CLSTN2: variants seen among roughly 807,000 people sequenced by gnomAD.
The protein encoded by CLSTN2 is calsyntenin 2.
CLSTN2 carries 48 observed loss-of-function variants against 101.2 expected under a neutral mutation model. The observed-to-expected ratio is 0.47, with a 90% CI of 0.38 to 0.60. CLSTN2 has a LOEUF of 0.60. Among genes scored for constraint, CLSTN2 ranks in the 20% least tolerant of loss-of-function variants. CLSTN2 has a pLI of 0.00. For missense variants in CLSTN2, 1,160 were observed against 1,238.2 expected, an observed-to-expected ratio of 0.94 and a Z score of 0.95; for synonymous variants, 481 against 463.6, an observed-to-expected ratio of 1.04 and a Z score of -0.48.
At chr3:139,987,932 A>G (rs537101224) in intron 1 of CLSTN2, among the ~76,000 whole-genome samples, 2 of 152,332 alleles carry the variant, frequency 1.3e-5, no homozygotes, top group East Asian at 3.9e-4. Flanking sequence ...ACGAGACAAG[A>G]CAAGTAAAGT....
intron 8 of CLSTN2, among the ~76,000 whole-genome samples, chr3:140,494,157 G>T (rs1934404143): frequency 1.3e-5 from 2 of 152,176 alleles, no homozygotes; most frequent in Admixed American, 1.3e-4. Flanking sequence ...CCAATTGTGT[G>T]ACCCTCTGCT....
intron 1 of CLSTN2, among the ~76,000 whole-genome samples, chr3:140,157,109 G>A (rs1450990904): frequency 6.6e-6 from 1 of 152,104 alleles, no homozygotes; most frequent in East Asian, 1.9e-4. Context: ...TCGCTGCTCA[G>A]AACTATTCAA....
intron 1 of CLSTN2, among the ~76,000 whole-genome samples, chr3:139,971,657 A>T (rs1935707484): frequency 6.6e-6 from 1 of 152,258 alleles, no homozygotes; most frequent in African/African-American, 2.4e-5. Context: ...TTAGCATTTC[A>T]TTCATGAGCA....
chr3:140,127,391 G>A (rs1004219521), intron 1 of CLSTN2, among the ~76,000 whole-genome samples: 2 of 152,114 alleles, frequency 1.3e-5, no homozygotes, highest in African/African-American at 4.8e-5. Flanking sequence ...TAGGCCTAAC[G>A]CAGTACATAA....
chr3:140,470,395 A>G (rs987588667), intron 8 of CLSTN2, among the ~76,000 whole-genome samples: 1 of 152,194 alleles, frequency 6.6e-6, no homozygotes, highest in Non-Finnish European at 1.5e-5. Context: ...AAGCCTGGGA[A>G]GGCCTCTGGG....
intron 6 of CLSTN2, among the ~76,000 whole-genome samples, chr3:140,448,976 G>A (rs189351105): frequency 3.0e-4 from 45 of 152,262 alleles, no homozygotes; most frequent in Non-Finnish European, 5.7e-4. Context: ...TTGGTAAAAC[G>A]GGAATTAAAT....
At chr3:140,561,879 G>C (rs956077745) in intron 12 of CLSTN2, among the ~76,000 whole-genome samples, 1 of 152,182 alleles carries the variant, frequency 6.6e-6, no homozygotes, top group African/African-American at 2.4e-5. Flanking sequence ...CTCAGTGGCA[G>C]AGCTGGTATT....
chr3:140,185,149 G>T (rs896283182), intron 2 of CLSTN2, among the ~76,000 whole-genome samples: 3 of 152,106 alleles, frequency 2.0e-5, no homozygotes, highest in Admixed American at 6.5e-5. Context: ...AAGTCCGGGG[G>T]ACTTGGCAAG....
At chr3:139,993,558 T>C (rs796821757) in intron 1 of CLSTN2, among the ~76,000 whole-genome samples, 3 of 152,294 alleles carry the variant, frequency 2.0e-5, no homozygotes, top group African/African-American at 7.2e-5. Context: ...GTGCACTCTC[T>C]TGAAGGGCCT....
intron 2 of CLSTN2, among the ~76,000 whole-genome samples, chr3:140,338,344 AT>A (rs1559842795): frequency 1.3e-5 from 2 of 152,192 alleles, no homozygotes; most frequent in Non-Finnish European, 2.9e-5. Flanking sequence ...TCTGTCTGTG[AT>A]GCCGTAGCTC....
chr3:140,556,524 C>T lies in CLSTN2; in HGVS notation c.1686C>T (p.Asn562=), dbSNP rs1455345880. 1.9e-6 allele frequency: 3 copies of T among 1,614,072 alleles called. No individual in the cohort carries two copies. Among genetic ancestry groups the T allele is most frequent in the Non-Finnish European group, 2.5e-6 (3 of 1,179,962 alleles). Residue 562 remains asparagine, a synonymous_variant, in exon 11 of 17, where the codon AAC becomes AAT. Coordinates refer to ENST00000458420, the MANE Select transcript of CLSTN2 (RefSeq NM_022131.3). ...CTTTTGTCTTCCAGTATCACTTCAA[C>T]CCCTCGCAGTCCATCCTGGTGATGG... is the stretch of plus-strand genomic sequence containing the variant. The part of the protein sequence containing the change: ...SLGQGIKYHF[N]PSQSILVMEG...
chr3:140,563,429 A>T (rs942577039), intron 15 of CLSTN2, among the ~76,000 whole-genome samples: 3 of 152,236 alleles, frequency 2.0e-5, no homozygotes, highest in Non-Finnish European at 2.9e-5. Context: ...AGAGGTCAGT[A>T]CAAAGGGCTG....
rs1232308455 is a variant in CLSTN2, at chr3:140,152,295, G to A, written c.110-23656G>A. ...ATGATTCTTTCTCAGATGGACCAGT[G>A]ACTTTTTCTCTCCTTTCTCGTTTCC... On this transcript the variant is annotated intron_variant, in intron 1 of 16. Transcript: ENST00000458420. Among the ~76,000 whole-genome samples, 2 of 151,740 alleles carry A rather than the reference G, an allele frequency of 1.3e-5. 1 individual carries two copies. The highest frequency in any genetic ancestry group is 2.9e-5 in the Non-Finnish European group (2 of 67,992).
At chr3:140,099,890 G>A (rs1204364961) in intron 1 of CLSTN2, among the ~76,000 whole-genome samples, 1 of 152,184 alleles carries the variant, frequency 6.6e-6, no homozygotes, top group African/African-American at 2.4e-5. Context: ...CAGGCTCTGG[G>A]TCACCTGTAA....
At chr3:139,997,657 C>T (rs1014190780) in intron 1 of CLSTN2, among the ~76,000 whole-genome samples, 2 of 152,162 alleles carry the variant, frequency 1.3e-5, no homozygotes, top group East Asian at 1.9e-4. Flanking sequence ...GGGCAAATTC[C>T]TCCACTTCAT....
At chr3:140,449,803 G>A (rs1331533586) in intron 6 of CLSTN2, 1 of 152,218 alleles carries the variant, frequency 6.6e-6, no homozygotes, top group Non-Finnish European at 1.5e-5. Flanking sequence ...AGCAAAGTTA[G>A]GACAGGGTAG....
At chr3:140,471,995 T>C (rs564538) in intron 8 of CLSTN2, among the ~76,000 whole-genome samples, 72,849 of 152,088 alleles carry the variant, frequency 0.48, 18,654 homozygotes, top group African/African-American at 0.67. Context: ...CACAATAATG[T>C]GTCTGAGAAG....
intron 1 of CLSTN2, among the ~76,000 whole-genome samples, chr3:139,993,293 C>T (rs999868760): frequency 6.6e-6 from 1 of 152,164 alleles, no homozygotes; most frequent in Non-Finnish European, 1.5e-5. Flanking sequence ...TGCAGAGGTT[C>T]TAGCACTGGT....
intron 2 of CLSTN2, among the ~76,000 whole-genome samples, chr3:140,390,810 G>C (rs1333473002): frequency 6.6e-6 from 1 of 152,152 alleles, no homozygotes; most frequent in Non-Finnish European, 1.5e-5. Flanking sequence ...GACCTCTGTT[G>C]TCTTTTTCCC....
Sources: allele counts gnomAD v4.1 joint callset (sites outside exome capture counted in the v4.1 genomes callset), GRCh38; gene constraint gnomAD v4.1.1; transcripts MANE v1.5; gene names NCBI Gene and HGNC (gene_info 2026-07-23, HGNC 2026-07-21).